The following CFAP92 variants were observed in gnomAD, a reference collection of about 807,000 sequenced individuals.
The protein encoded by CFAP92 is cilia and flagella associated protein 92 (putative).
Under a neutral mutation model 106.3 loss-of-function variants are expected in CFAP92, and 86 were observed. The observed-to-expected ratio is 0.81, with a 90% confidence interval of 0.68 to 0.97. The LOEUF is 0.97. CFAP92 is among the 50% of genes least tolerant of loss of function. CFAP92 has a pLI of 0.00. For missense variants in CFAP92, 1,204 were observed against 1,283.8 expected, an observed-to-expected ratio of 0.94 and a Z score of 0.95; for synonymous variants, 477 against 506.4, an observed-to-expected ratio of 0.94 and a Z score of 0.78.
At chr3:129,010,820 C>T in the CFAP92 span, among the ~76,000 whole-genome samples, 2 of 152,160 alleles carry the variant, frequency 1.3e-5, no homozygotes, top group Admixed American at 1.3e-4. The surrounding 1 kb of genome is among the most constrained non-coding windows in gnomAD (Gnocchi z 4.3). Flanking sequence ...GAACAATACT[C>T]AGGCTCACAA....
chr3:128,966,531 C>T (rs1434983738), intron 8 of CFAP92: 5 of 151,648 alleles, frequency 3.3e-5, no homozygotes, highest in Non-Finnish European at 7.3e-5. Context: ...CATTGCAAGG[C>T]ATATAGGTAG....
chr3:128,965,069 T>A (rs903490787), intron 9 of CFAP92, among the ~76,000 whole-genome samples: 1 of 152,208 alleles, frequency 6.6e-6, no homozygotes, highest in African/African-American at 2.4e-5. Context: ...AAAACTGCCT[T>A]AACTGATGAC....
At chr3:128,957,798 T>A (rs2107752834) in intron 9 of CFAP92, among the ~76,000 whole-genome samples, 1 of 151,376 alleles carries the variant, frequency 6.6e-6, no homozygotes, top group African/African-American at 2.4e-5. Flanking sequence ...TTCATTTATA[T>A]AACCACACCA....
upstream of CFAP92, among the ~76,000 whole-genome samples, chr3:128,998,285 G>A (rs1457029115): frequency 2.0e-5 from 3 of 152,136 alleles, no homozygotes; most frequent in Non-Finnish European, 4.4e-5. Flanking sequence ...AAGTGCAAAT[G>A]TTTTGAACTT....
chr3:128,946,115 A>G, intron 9 of CFAP92, 140 bp from the exon 10 acceptor site: 1 of 562,854 alleles, frequency 1.8e-6, no homozygotes. Flanking sequence ...AATATCCATA[A>G]GAGACACTAC....
chr3:128,911,950 C>T (rs1936374102), intron 15 of CFAP92, among the ~76,000 whole-genome samples: 1 of 152,236 alleles, frequency 6.6e-6, no homozygotes, highest in African/African-American at 2.4e-5. Context: ...AGTGCTCTTC[C>T]TCTTCTATAG....
intron 9 of CFAP92, among the ~76,000 whole-genome samples, chr3:128,951,278 AAC>A (rs1940775482): frequency 6.6e-6 from 1 of 152,132 alleles, no homozygotes; most frequent in Non-Finnish European, 1.5e-5. Flanking sequence ...GCATCTAGCT[AAC>A]AGAGTCCCAA....
chr3:128,950,434 T>C (rs1453016023), intron 9 of CFAP92, among the ~76,000 whole-genome samples: 1 of 151,572 alleles, frequency 6.6e-6, no homozygotes, highest in Non-Finnish European at 1.5e-5. Context: ...GAAGGTGGAG[T>C]GAAACAAACA....
chr3:128,984,398 T>G (rs909644006), intron 4 of CFAP92, among the ~76,000 whole-genome samples: 1 of 152,144 alleles, frequency 6.6e-6, no homozygotes, highest in Non-Finnish European at 1.5e-5. Context: ...CAGAAGAACA[T>G]GGAAGGAGCT....
chr3:128,946,125 C>T, intron 9 of CFAP92, 150 bp from the exon 10 acceptor site: 8 of 538,510 alleles, frequency 1.5e-5, no homozygotes, highest in Middle Eastern at 4.8e-4. Context: ...AGAGACACTA[C>T]TGTGCAAGGT....
At chr3:128,932,378 T>TACACAC (rs112536236) in intron 12 of CFAP92, among the ~76,000 whole-genome samples, 84 of 147,592 alleles carry the variant, frequency 5.7e-4, no homozygotes, top group Middle Eastern at 3.5e-3. Flanking sequence ...AGCAACATGT[T>TACACAC]ACACACACAC....
chr3:128,979,844 G>GT (rs1943404676), intron 4 of CFAP92, among the ~76,000 whole-genome samples: 1 of 151,350 alleles, frequency 6.6e-6, no homozygotes, highest in Non-Finnish European at 1.5e-5. Context: ...TATACCTAAT[G>GT]TAAATGACGA....
At chr3:128,915,666 T>A in intron 13 of CFAP92, 103 bp from the exon 14 acceptor site, 1 of 754,222 alleles carries the variant, frequency 1.3e-6, no homozygotes, top group Non-Finnish European at 2.1e-6. Flanking sequence ...TCATAGTTCC[T>A]GACAATGTAA....
intron 13 of CFAP92, 57 bp downstream of exon 13, chr3:128,916,050 C>T (rs1936789472): frequency 1.7e-6 from 2 of 1,193,716 alleles, no homozygotes; most frequent in East Asian, 3.2e-5. Flanking sequence ...CAGGCATGGT[C>T]AGAATAAAGA....
At position 128,945,615 on chromosome 3, in the gene CFAP92, C is replaced by A. The variant is rs1392045292; in HGVS notation, c.1714G>T (p.Asp572Tyr). 2.0e-6 allele frequency: 3 copies of A among 1,536,096 alleles called. No homozygotes were observed. The highest frequency in any genetic ancestry group is 1.2e-5 in the South Asian group (1 of 84,022). ...AAGTACTTGTGGCCAAGGAGGAGGT[C>A]AGCAAAACTGACCTGGGCGATGCCA... is the stretch of plus-strand genomic sequence containing the variant. ...PYGIAQVSFA[D>Y]LLLGHKYLNL... The change falls in exon 10 of 16, where the codon GAC becomes TAC. Residue 572 changes from aspartate (D) to tyrosine (Y), a missense_variant. Coordinates refer to ENST00000645291, the MANE Select transcript of CFAP92 (RefSeq NM_001394090.1).
chr3:128,965,931 A>AT (rs1257323511), intron 8 of CFAP92, among the ~76,000 whole-genome samples: 1 of 152,230 alleles, frequency 6.6e-6, no homozygotes, highest in East Asian at 1.9e-4. Flanking sequence ...GTGTGACTTA[A>AT]TCTTGATGAC....
At position 128,935,061 on chromosome 3, in the gene CFAP92, C is replaced by T. The variant is rs921249753; in HGVS notation, c.2453+64G>A. On this transcript the variant is annotated intron_variant, in intron 11 of 15. Transcript: ENST00000645291. ...ATGCCCCAGCTTGCCTGTTTGGGTG[C>T]AGAGTGTTAAGAAGTGCCCCTCCCG... 9.8e-6 allele frequency: 13 copies of T among 1,332,906 alleles called. No individual in the cohort carries two copies. In the African/African-American group the frequency reaches 1.5e-4, roughly 15 times the overall value. 82.6% of individuals were successfully genotyped at this position (1,332,906 alleles called of 1,614,324 possible).
Position 128,988,796 on chromosome 3 carries a change from C to G in CFAP92, c.385G>C (p.Glu129Gln). 1 of 1,613,692 alleles carries G rather than the reference C, an allele frequency of 6.2e-7. No individual in the cohort carries two copies. The highest frequency in any genetic ancestry group is 8.5e-7 in the Non-Finnish European group (1 of 1,179,886). The change falls in exon 3 of 16, where the codon GAA becomes CAA. Residue 129 changes from glutamate to glutamine, a missense_variant. Coordinates refer to ENST00000645291, the MANE Select transcript of CFAP92 (RefSeq NM_001394090.1). Reference protein sequence around the residue: ...IEYFLLPDDEEPKKVDILLFP... With the variant: ...IEYFLLPDDEQPKKVDILLFP... ...AGCAATATGTCAACTTTTTTAGGTT[C>G]TTCATCGTCCGGCAGAAGGAAATAC...
intron 1 of CFAP92, chr3:129,002,280 C>T: frequency 6.5e-7 from 1 of 1,529,416 alleles, no homozygotes; most frequent in Non-Finnish European, 8.7e-7. Flanking sequence ...GGAGGACCTG[C>T]GCGCCGCGCT....
Sources: gnomAD v4.1 joint callset for allele counts (sites outside exome capture counted in the v4.1 genomes callset) on GRCh38, gnomAD v4.1.1 for gene constraint, Gnocchi (gnomAD v3.1) non-coding constraint, MANE v1.5 for transcripts, NCBI Gene and HGNC (gene_info 2026-07-23, HGNC 2026-07-21) for gene names.